Variants in NRG3 observed in about 807,000 individuals in gnomAD.
The protein encoded by NRG3 is neuregulin 3, also known as pro-neuregulin-3, membrane-bound isoform.
A neutral mutation model predicts 66.9 loss-of-function variants in NRG3; 31 were observed. That is an observed-to-expected ratio of 0.46 (90% CI 0.35 to 0.63). NRG3 has a LOEUF of 0.63. Ranked by LOEUF, NRG3 falls within the 20% of genes least tolerant of loss-of-function variation. The probability of loss-of-function intolerance (pLI) is 0.00; values close to 1 mark genes in which losing one functional copy is unlikely to be tolerated. For synonymous variants in NRG3, 393 were observed against 359.4 expected, an observed-to-expected ratio of 1.09 and a Z score of -1.06; for missense variants, 910 against 878.9, an observed-to-expected ratio of 1.04 and a Z score of -0.45.
chr10:81,918,818 C>CAAAAAACAACAA (rs1845949676), intron 1 of NRG3, among the ~76,000 whole-genome samples: 1 of 145,804 alleles, frequency 6.9e-6, no homozygotes. Context: ...AGGATTTTTG[C>CAAAAAACAACAA]AAAAAACAAA....
intron 2 of NRG3, among the ~76,000 whole-genome samples, chr10:82,424,417 T>C (rs2089286017): frequency 6.6e-6 from 1 of 152,084 alleles, no homozygotes; most frequent in South Asian, 2.1e-4. Context: ...GCACTTTTTG[T>C]ATGCTTATTG....
chr10:82,807,129 A>C (rs1212157414), intron 3 of NRG3, among the ~76,000 whole-genome samples: 1 of 152,190 alleles, frequency 6.6e-6, no homozygotes, highest in Non-Finnish European at 1.5e-5. Context: ...AAATGTTTGC[A>C]ATATCTTTCC....
intron 1 of NRG3, among the ~76,000 whole-genome samples, chr10:82,169,998 T>G (rs1180252537): frequency 5.4e-5 from 8 of 147,974 alleles, no homozygotes; most frequent in Non-Finnish European, 9.0e-5. Flanking sequence ...CATGTGTGTT[T>G]TTTTTTTTTT....
chr10:82,462,705 AG>A (rs1300859001), intron 2 of NRG3, among the ~76,000 whole-genome samples: 1 of 152,126 alleles, frequency 6.6e-6, no homozygotes, highest in African/African-American at 2.4e-5. Context: ...GGGGGTGATT[AG>A]GGGGCTATGT....
chr10:81,982,004 C>A (rs2060348692), intron 1 of NRG3, among the ~76,000 whole-genome samples: 2 of 152,084 alleles, frequency 1.3e-5, no homozygotes, highest in African/African-American at 2.4e-5. Context: ...CCAAAACATA[C>A]CTTTTATTTT....
rs536662328 is a variant in NRG3 at position 81,918,450 on chromosome 10, C to T, written c.823+42287C>T. 2.6e-5 allele frequency among the ~76,000 whole-genome samples: 4 copies of T among 152,254 alleles called. No individual in the cohort carries two copies. The South Asian group carries it at 8.3e-4, about 32-fold the overall frequency. Reference sequence around the variant, plus strand: ...TTTTGGATTTCTCAGATCAGGTACTCCATCATCTGCTTTTTATCACGTACA... The same window carrying T: ...TTTTGGATTTCTCAGATCAGGTACTTCATCATCTGCTTTTTATCACGTACA... On this transcript the variant is annotated intron_variant, in intron 1 of 8. Transcript: ENST00000372141.
intron 1 of NRG3, among the ~76,000 whole-genome samples, chr10:81,891,265 A>T (rs1215400945): frequency 2.6e-5 from 4 of 152,192 alleles, no homozygotes; most frequent in African/African-American, 9.7e-5. Context: ...AAGAGATTGA[A>T]AGAAGGAAGG....
chr10:82,398,960 T>G (rs930957299), intron 2 of NRG3, among the ~76,000 whole-genome samples: 1 of 152,144 alleles, frequency 6.6e-6, no homozygotes, highest in Non-Finnish European at 1.5e-5. Context: ...TTAGAGTATT[T>G]CCAAAGGATT....
At chr10:82,829,301 T>C (rs907351133) in intron 3 of NRG3, among the ~76,000 whole-genome samples, 2 of 152,114 alleles carry the variant, frequency 1.3e-5, no homozygotes, top group African/African-American at 4.8e-5. Flanking sequence ...CTTTGTCACT[T>C]GTCAGGTCTA....
At chr10:82,142,649 G>A (rs1165679624) in intron 1 of NRG3, among the ~76,000 whole-genome samples, 3 of 151,962 alleles carry the variant, frequency 2.0e-5, no homozygotes, top group Non-Finnish European at 2.9e-5. Context: ...AGACAGTTAC[G>A]ATAGAAAATT....
chr10:82,869,541 C>T (rs184973388), intron 4 of NRG3, among the ~76,000 whole-genome samples: 16 of 148,978 alleles, frequency 1.1e-4, no homozygotes, highest in Admixed American at 3.3e-4. Flanking sequence ...GTCATCCTTG[C>T]CTTTCCCCAA....
chr10:81,920,203 A>G (rs777717721), intron 1 of NRG3, among the ~76,000 whole-genome samples: 8 of 152,154 alleles, frequency 5.3e-5, no homozygotes, highest in Non-Finnish European at 1.2e-4. Flanking sequence ...AGGGCTGGAA[A>G]AGAGATGAGA....
At chr10:82,251,617 C>T (rs374320626) in intron 1 of NRG3, among the ~76,000 whole-genome samples, 51 of 152,208 alleles carry the variant, frequency 3.4e-4, no homozygotes, top group African/African-American at 1.2e-3. Context: ...TCCTGACCAC[C>T]CAGCAGATAA....
At chr10:82,967,891 C>T (rs1851355562) in intron 6 of NRG3, among the ~76,000 whole-genome samples, 1 of 152,118 alleles carries the variant, frequency 6.6e-6, no homozygotes. Flanking sequence ...GACTACAGAC[C>T]CCAACTCTCG....
intron 1 of NRG3, among the ~76,000 whole-genome samples, chr10:82,104,335 G>A (rs1350632338): frequency 6.6e-6 from 1 of 152,116 alleles, no homozygotes; most frequent in Non-Finnish European, 1.5e-5. Flanking sequence ...TACTGGGCCA[G>A]CTCCTGTCAT....
intron 2 of NRG3, among the ~76,000 whole-genome samples, chr10:82,584,544 T>G (rs2046552106): frequency 6.6e-6 from 1 of 152,220 alleles, no homozygotes. Context: ...AAAACCTTAC[T>G]TTGAAAAACT....
intron 1 of NRG3, among the ~76,000 whole-genome samples, chr10:82,293,191 G>T (rs2134634015): frequency 6.6e-6 from 1 of 152,190 alleles, no homozygotes; most frequent in South Asian, 2.1e-4. Context: ...CGTCCCAGAT[G>T]GTCTACGTTG....
At chr10:82,526,935 T>G (rs670840) in intron 2 of NRG3, among the ~76,000 whole-genome samples, 57,810 of 151,918 alleles carry the variant, frequency 0.38, 13,026 homozygotes, top group African/African-American at 0.63. Context: ...CATGTAAATT[T>G]ATATCACCAT....
Position 82,769,024 on chromosome 10 carries a change from A to G in NRG3, c.1027+30374A>G, listed in dbSNP as rs531296170. Reference sequence around the variant, plus strand: ...TGAGATTCTAACAGTCAAAATTGTCAGTAGTTTTATCATCATCTTTGTCAG... The same window carrying G: ...TGAGATTCTAACAGTCAAAATTGTCGGTAGTTTTATCATCATCTTTGTCAG... On this transcript the variant is annotated intron_variant, in intron 3 of 8. Transcript: ENST00000372141. Among the ~76,000 whole-genome samples, 56 of 152,290 alleles carry G rather than the reference A, an allele frequency of 3.7e-4. No homozygotes were observed. The East Asian group carries it at 0.01, about 28-fold the overall frequency.
Sources: allele counts gnomAD v4.1 joint callset (sites outside exome capture counted in the v4.1 genomes callset), GRCh38; gene constraint gnomAD v4.1.1; transcripts MANE v1.5; gene names NCBI Gene and HGNC (gene_info 2026-07-23, HGNC 2026-07-21).